The following LATS1 variants were observed in gnomAD, a reference collection of about 807,000 sequenced individuals.
LATS1 encodes serine/threonine-protein kinase LATS1.
A neutral mutation model predicts 106.6 loss-of-function variants in LATS1; 25 were observed. The observed-to-expected ratio is 0.23, with a 90% confidence interval of 0.17 to 0.33. LATS1 has a LOEUF of 0.33. Ranked by LOEUF, LATS1 falls within the 10% of genes least tolerant of loss-of-function variation. The probability of loss-of-function intolerance (pLI) is 1.00; values close to 1 mark genes in which losing one functional copy is unlikely to be tolerated. For synonymous variants in LATS1, 465 were observed against 455.6 expected (o/e 1.02, Z -0.26); for missense variants, 1,040 against 1,382.6 (o/e 0.75, Z 3.93).
chr6:149,713,966 TTTTTC>T (rs1181961185), intron 1 of LATS1, among the ~76,000 whole-genome samples: 2 of 151,376 alleles, frequency 1.3e-5, no homozygotes, highest in African/African-American at 4.9e-5. Context: ...ACGGCCTCTT[TTTTTC>T]TTTTATCATT....
rs778912523 is a variant in LATS1, at chr6:149,683,543, G to A, written c.1546C>T (p.His516Tyr). The stretch of plus-strand genomic sequence containing the variant: ...ATTGGCTGTGGTATCCAAGAAGGGT[G>A]TGTAGGTGCTAAAGCAGTCTGTAGC... ...PELQTALAPT[H>Y]PSWIPQPIQT... Residue 516 changes from histidine to tyrosine, a missense_variant, in exon 4 of 8, where the codon CAC (histidine) becomes TAC (tyrosine). His to Tyr is a moderately conservative substitution (Grantham distance 83, BLOSUM62 2). Around this residue, in one of 7 missense-constraint regions of LATS1, gnomAD observed 624 missense variants for 714.8 expected, o/e 0.87. Coordinates refer to ENST00000543571, the MANE Select transcript of LATS1 (RefSeq NM_004690.4). 1 of 1,614,250 alleles carries A rather than the reference G, an allele frequency of 6.2e-7. No individual in the cohort carries two copies. The highest frequency in any genetic ancestry group is 2.2e-5 in the East Asian group (1 of 44,892).
At chr6:149,713,219 C>G (rs1324186296) in intron 1 of LATS1, among the ~76,000 whole-genome samples, 1 of 152,108 alleles carries the variant, frequency 6.6e-6, no homozygotes, top group African/African-American at 2.4e-5. Flanking sequence ...CAGAGAAGTT[C>G]TAGAGTAGCA....
intron 3 of LATS1, among the ~76,000 whole-genome samples, chr6:149,685,141 G>A (rs1049497703): frequency 2.6e-5 from 4 of 152,014 alleles, no homozygotes; most frequent in Non-Finnish European, 5.9e-5. Flanking sequence ...GGGAGGCTGA[G>A]GCAGGAGAAT....
At chr6:149,716,843 A>G (rs934235850) in intron 1 of LATS1, among the ~76,000 whole-genome samples, 2 of 152,204 alleles carry the variant, frequency 1.3e-5, no homozygotes, top group Admixed American at 6.5e-5. Context: ...CAGAGATAAT[A>G]AGCTTTGTTT....
chr6:149,692,974 A>C (rs1782852629), intron 3 of LATS1, among the ~76,000 whole-genome samples: 1 of 151,822 alleles, frequency 6.6e-6, no homozygotes, highest in Non-Finnish European at 1.5e-5. Context: ...GCACCAGGAC[A>C]CAAAGACAGG....
In LATS1 at chr6:149,660,828, A is replaced by G. The variant is rs547683030; in HGVS notation, c.*901T>C. On this transcript the variant is annotated 3_prime_UTR_variant, in exon 8 of 8. Transcript: ENST00000543571. ...ATCTGTATATGCAGCACTGTTCTGA[A>G]AGAGGAAACAGGTAACATTGATGAT... 44 of 215,764 alleles carry G rather than the reference A, an allele frequency of 2.0e-4. No individual in the cohort carries two copies. The highest frequency in any genetic ancestry group is 9.4e-4 in the South Asian group (5 of 5,346). 13.4% of individuals were successfully genotyped at this position (215,764 alleles called of 1,614,324 possible). A position where few individuals can be genotyped will look rare whatever the true frequency, so the allele number is the denominator to read the frequency against.
At position 149,701,939 on chromosome 6, in the gene LATS1, C is replaced by T. The variant is rs748057861; in HGVS notation, c.188G>A (p.Arg63Gln). ...NMSKMSTEDP[R>Q]QVRNPPKFGT... ...AAATTTGGGTGGATTTCTGACTTGT[C>T]GAGGATCTTCGGTTGACATTTTACT... The change falls in exon 2 of 8, where the codon CGA (arginine) becomes CAA (glutamine). Residue 63 changes from arginine to glutamine, a missense_variant. Physicochemically the swap from Arg to Gln is conservative, Grantham distance 43. This residue lies in a region of LATS1 where 624 missense variants were observed against 714.8 expected (regional missense o/e 0.87). Coordinates refer to ENST00000543571, the MANE Select transcript of LATS1 (RefSeq NM_004690.4). The T allele has an allele frequency of 3.5e-5, 56 of 1,613,984 alleles. No individual in the cohort carries two copies. Among genetic ancestry groups the T allele is most frequent in the East Asian group, 1.6e-4 (7 of 44,888 alleles).
chr6:149,716,971 T>A lies in LATS1; in HGVS notation c.-141+878A>T, dbSNP rs138518307. On this transcript the variant is annotated intron_variant, in intron 1 of 7. Transcript: ENST00000543571. Reference sequence around the variant, plus strand: ...CTGATAAACTGATAAACTGATAAATTTATTAACCTTCAATAAATAATTCAT... The same window carrying A: ...CTGATAAACTGATAAACTGATAAATATATTAACCTTCAATAAATAATTCAT... Among the ~76,000 whole-genome samples the A allele has an allele frequency of 3.6e-3, 546 of 152,276 alleles. 2 individuals carry two copies. Among genetic ancestry groups the A allele is most frequent in the African/African-American group, 0.012 (517 of 41,554 alleles).
At chr6:149,667,161 C>T (rs959334655) in intron 7 of LATS1, among the ~76,000 whole-genome samples, 2 of 151,128 alleles carry the variant, frequency 1.3e-5, no homozygotes, top group Non-Finnish European at 3.0e-5. Context: ...TGGCTGTGCA[C>T]GGTGGTGTCA....
In LATS1 at chr6:149,661,711, C is replaced by T. The variant is rs368558374; in HGVS notation, c.*18G>A. The T allele has an allele frequency of 1.1e-5, 17 of 1,522,056 alleles. No homozygotes were observed. Among genetic ancestry groups the T allele is most frequent in the Non-Finnish European group, 2.6e-6 (3 of 1,139,420 alleles). 94.3% of individuals were successfully genotyped at this position (1,522,056 alleles called of 1,614,324 possible). ...CAGGCCCTTTTACAAATCCTCATTACATTTATTTACTAGTGTGTTAAACAT... is the reference window on the plus strand; with the variant it reads ...CAGGCCCTTTTACAAATCCTCATTATATTTATTTACTAGTGTGTTAAACAT... On this transcript the variant is annotated 3_prime_UTR_variant, in exon 8 of 8. Coordinates refer to ENST00000543571, the MANE Select transcript of LATS1 (RefSeq NM_004690.4).
intron 1 of LATS1, among the ~76,000 whole-genome samples, chr6:149,706,224 A>T (rs2114988064): frequency 9.2e-6 from 1 of 108,322 alleles, no homozygotes; most frequent in Admixed American, 1.1e-4. Flanking sequence ...AAAAAAAAAA[A>T]GATATTCCTG....
rs144507180 is a variant in LATS1 at position 149,668,666 on chromosome 6, A to C, written c.2884-6428T>G. On this transcript the variant is annotated intron_variant, in intron 7 of 7. Transcript: ENST00000543571. The stretch of plus-strand genomic sequence containing the variant: ...TGATTTGTTACTCACGCTGGTCTTG[A>C]ACTCCTGACTTCAAGCAATCCTCTT... Among the ~76,000 whole-genome samples the C allele has an allele frequency of 6.1e-3, 922 of 150,828 alleles. 20 individuals are homozygous for C. Among genetic ancestry groups the C allele is most frequent in the African/African-American group, 0.021 (878 of 40,850 alleles).
chr6:149,704,483 T>G (rs185418686), intron 1 of LATS1, among the ~76,000 whole-genome samples: 2,186 of 135,310 alleles, frequency 0.016, 18 homozygotes, highest in African/African-American at 0.028. Context: ...AACTTAGGGG[T>G]TTTTTTTTTG....
chr6:149,662,072 C>T lies in LATS1; in HGVS notation c.3050G>A (p.Ser1017Asn). 1 of 1,614,134 alleles carries T rather than the reference C, an allele frequency of 6.2e-7. No individual in the cohort carries two copies. Among genetic ancestry groups the T allele is most frequent in the African/African-American group, 1.3e-5 (1 of 75,044 alleles). Residue 1017 changes from serine (S) to asparagine (N), a missense_variant, in exon 8 of 8, where the codon AGT becomes AAT. Ser to Asn is a conservative substitution (Grantham distance 46). This residue lies in a region of LATS1 where 113 missense variants were observed against 146.3 expected (regional missense o/e 0.77). Transcript: ENST00000543571. The part of the protein sequence containing the change: ...HPFFKTIDFS[S>N]DLRQQSASYI... ...TGAAGCAGACTGCTGTCTCAGGTCA[C>T]TGGAGAAGTCAATTGTTTTAAAAAA...
Position 149,717,881 on chromosome 6 carries a change from C to T in LATS1, c.-173G>A, listed in dbSNP as rs1482715423. ...GGAGAGCAGAGCTCCTGGACAGCGG[C>T]CACGGGCCTGAGGGCGGACGCTGAG... is the stretch of plus-strand genomic sequence containing the variant. On this transcript the variant is annotated 5_prime_UTR_variant, in exon 1 of 8. Coordinates refer to ENST00000543571, the MANE Select transcript of LATS1 (RefSeq NM_004690.4). 1.1e-5 allele frequency: 4 copies of T among 370,018 alleles called. No homozygotes were observed. Among genetic ancestry groups the T allele is most frequent in the South Asian group, 5.5e-5 (3 of 54,322 alleles). 22.9% of individuals were successfully genotyped at this position (370,018 alleles called of 1,614,324 possible).
At chr6:149,689,769 A>G in intron 3 of LATS1, among the ~76,000 whole-genome samples, 1 of 152,110 alleles carries the variant, frequency 6.6e-6, no homozygotes, top group East Asian at 1.9e-4. Flanking sequence ...TTCCTTACAT[A>G]ACCTAGGCCC....
chr6:149,689,753 C>T (rs1782616047), intron 3 of LATS1, among the ~76,000 whole-genome samples: 1 of 152,120 alleles, frequency 6.6e-6, no homozygotes, highest in South Asian at 2.1e-4. Flanking sequence ...AAAGTACTCC[C>T]TTAGCTTCCT....
At chr6:149,715,706 T>C (rs894064091) in intron 1 of LATS1, among the ~76,000 whole-genome samples, 2 of 152,196 alleles carry the variant, frequency 1.3e-5, no homozygotes, top group Admixed American at 6.5e-5. Flanking sequence ...AGAATACATA[T>C]TTAAAATTCT....
chr6:149,666,009 G>C (rs1781122966), intron 7 of LATS1, among the ~76,000 whole-genome samples: 1 of 151,632 alleles, frequency 6.6e-6, no homozygotes, highest in African/African-American at 2.4e-5. Flanking sequence ...GGGCATGGTA[G>C]CACACGCCTG....
Sources: allele counts gnomAD v4.1 joint callset (sites outside exome capture counted in the v4.1 genomes callset), GRCh38; gene constraint gnomAD v4.1.1; regional missense constraint gnomAD v4.1.1; transcripts MANE v1.5; gene names NCBI Gene and HGNC (gene_info 2026-07-23, HGNC 2026-07-21).